The following SEMA3E variants were observed in gnomAD, a reference collection of about 807,000 sequenced individuals.
SEMA3E encodes semaphorin 3E, also known as semaphorin-3E.
Under a neutral mutation model 93.6 loss-of-function variants are expected in SEMA3E, and 49 were observed. The ratio of observed to expected loss-of-function variants is 0.52; its 90% CI spans 0.42 to 0.66. SEMA3E has a LOEUF of 0.66. Among genes scored for constraint, SEMA3E ranks in the 30% least tolerant of loss-of-function variants. The pLI, the probability that SEMA3E is intolerant of heterozygous loss-of-function variation, is 0.00. For synonymous variants in SEMA3E, 363 were observed against 330.7 expected (o/e 1.10, Z -1.06); for missense variants, 906 against 964.8 (o/e 0.94, Z 0.81).
intron 1 of SEMA3E, among the ~76,000 whole-genome samples, chr7:83,575,086 A>G (rs930320524): frequency 1.8e-4 from 27 of 152,226 alleles, no homozygotes; most frequent in African/African-American, 6.5e-4. Context: ...TGGCTTCAGA[A>G]TTGGTGACTA....
intron 1 of SEMA3E, among the ~76,000 whole-genome samples, chr7:83,518,315 C>T (rs1230599460): frequency 6.8e-6 from 1 of 146,566 alleles, no homozygotes; most frequent in African/African-American, 2.5e-5. Flanking sequence ...TTCATTAGCT[C>T]AGAAAAAAAA....
chr7:83,527,380 A>C (rs13232282), intron 1 of SEMA3E, among the ~76,000 whole-genome samples: 1 of 151,812 alleles, frequency 6.6e-6, no homozygotes, highest in Admixed American at 6.6e-5. Context: ...CCAAGGCTTT[A>C]CTCATTCCTT....
chr7:83,565,929 A>C (rs1792139286), intron 1 of SEMA3E, among the ~76,000 whole-genome samples: 1 of 151,680 alleles, frequency 6.6e-6, no homozygotes, highest in African/African-American at 2.4e-5. Context: ...ACCATCATTC[A>C]ATTTTACAAC....
intron 1 of SEMA3E, among the ~76,000 whole-genome samples, chr7:83,623,209 G>C (rs1793601589): frequency 6.6e-6 from 1 of 151,968 alleles, no homozygotes; most frequent in African/African-American, 2.4e-5. Context: ...GTATACTAAT[G>C]ATGACAACAA....
At chr7:83,408,626 T>C in intron 5 of SEMA3E, 139 bp from the exon 6 acceptor site, 3 of 1,008,304 alleles carry the variant, frequency 3.0e-6, no homozygotes, top group South Asian at 1.4e-5. Flanking sequence ...ATGGATGGTA[T>C]AGTAAGACTC....
chr7:83,547,841 G>C (rs1222845147), intron 1 of SEMA3E, among the ~76,000 whole-genome samples: 1 of 151,978 alleles, frequency 6.6e-6, no homozygotes, highest in Non-Finnish European at 1.5e-5. Context: ...ACTCCAGTAG[G>C]CTTACTAAAG....
At chr7:83,470,922 C>T (rs1215028025) in intron 2 of SEMA3E, among the ~76,000 whole-genome samples, 1 of 150,756 alleles carries the variant, frequency 6.6e-6, no homozygotes, top group African/African-American at 2.4e-5. Context: ...TCAAACTCCC[C>T]TCATACAAGG....
chr7:83,378,561 C>A (rs1007421795), intron 16 of SEMA3E, among the ~76,000 whole-genome samples: 1 of 151,942 alleles, frequency 6.6e-6, no homozygotes, highest in Non-Finnish European at 1.5e-5. Flanking sequence ...GAGCACCATT[C>A]ATCACTTAAC....
At chr7:83,382,559 T>G (rs1787797555) in intron 16 of SEMA3E, among the ~76,000 whole-genome samples, 1 of 151,960 alleles carries the variant, frequency 6.6e-6, no homozygotes, top group Admixed American at 6.6e-5. Context: ...ATAGCCTCAG[T>G]TATCAATTCT....
intron 5 of SEMA3E, among the ~76,000 whole-genome samples, chr7:83,411,576 A>C (rs1788439724): frequency 6.6e-6 from 1 of 152,054 alleles, no homozygotes; most frequent in Non-Finnish European, 1.5e-5. Flanking sequence ...ATAAATAATA[A>C]TATTAATAAA....
At chr7:83,499,938 T>C (rs894563635) in intron 1 of SEMA3E, among the ~76,000 whole-genome samples, 1 of 152,144 alleles carries the variant, frequency 6.6e-6, no homozygotes, top group South Asian at 2.1e-4. Flanking sequence ...TCCTATGCAC[T>C]CCTATTCAAC....
intron 1 of SEMA3E, among the ~76,000 whole-genome samples, chr7:83,618,007 T>C (rs1368609875): frequency 2.0e-5 from 3 of 152,048 alleles, no homozygotes; most frequent in African/African-American, 7.2e-5. Context: ...AAATAAGACA[T>C]AGCCCTTTGT....
chr7:83,509,567 A>T (rs1584298030), intron 1 of SEMA3E, among the ~76,000 whole-genome samples: 1 of 152,168 alleles, frequency 6.6e-6, no homozygotes, highest in Non-Finnish European at 1.5e-5. Context: ...AAACAAAAAA[A>T]CCAACTTATA....
intron 3 of SEMA3E, among the ~76,000 whole-genome samples, 179 bp downstream of exon 3, chr7:83,469,064 C>T (rs192670361): frequency 1.1e-3 from 172 of 152,276 alleles, no homozygotes; most frequent in Middle Eastern, 3.4e-3. Flanking sequence ...TCTGCTTCAA[C>T]TCTACATTGA....
At chr7:83,466,855 A>C (rs1005140272) in intron 3 of SEMA3E, among the ~76,000 whole-genome samples, 8 of 152,134 alleles carry the variant, frequency 5.3e-5, no homozygotes, top group African/African-American at 1.9e-4. Context: ...CATGTATTCT[A>C]GTTTACAACT....
chr7:83,577,730 AGGAG>A (rs1792435423), intron 1 of SEMA3E, among the ~76,000 whole-genome samples: 1 of 152,180 alleles, frequency 6.6e-6, no homozygotes, highest in Admixed American at 6.5e-5. Flanking sequence ...GCATTAATAA[AGGAG>A]AATTGGCTCT....
chr7:83,382,156 G>A (rs1787789017), intron 16 of SEMA3E, among the ~76,000 whole-genome samples: 2 of 151,992 alleles, frequency 1.3e-5, no homozygotes, highest in South Asian at 4.1e-4. Flanking sequence ...TTTGATTTCA[G>A]AAGATTTTGT....
At chr7:83,379,102 A>G (rs536610829) in intron 16 of SEMA3E, among the ~76,000 whole-genome samples, 1 of 151,926 alleles carries the variant, frequency 6.6e-6, no homozygotes, top group African/African-American at 2.4e-5. Context: ...TCATAGCAAC[A>G]TGGATGGAAC....
At chr7:83,588,731 A>G (rs139710474) in intron 1 of SEMA3E, among the ~76,000 whole-genome samples, 2 of 152,290 alleles carry the variant, frequency 1.3e-5, no homozygotes, top group African/African-American at 4.8e-5. Flanking sequence ...TGTAGTACAT[A>G]TTTACCTTGA....
Sources: gnomAD v4.1 joint callset for allele counts (sites outside exome capture counted in the v4.1 genomes callset) on GRCh38, gnomAD v4.1.1 for gene constraint, MANE v1.5 for transcripts, NCBI Gene and HGNC (gene_info 2026-07-23, HGNC 2026-07-21) for gene names.